Variants in BCLAF3 observed in about 807,000 individuals in gnomAD.
The protein encoded by BCLAF3 is BCLAF1 and THRAP3 family member 3.
Under a neutral mutation model 51.2 loss-of-function variants are expected in BCLAF3, and 24 were observed. That is an observed-to-expected ratio of 0.47 (90% CI 0.34 to 0.66). BCLAF3 has a LOEUF of 0.66. Among genes scored for constraint, BCLAF3 ranks in the 30% least tolerant of loss-of-function variants. BCLAF3 has a pLI of 0.01. For synonymous variants in BCLAF3, 152 were observed against 176.6 expected, an observed-to-expected ratio of 0.86 and a Z score of 1.10; for missense variants, 465 against 525.1, an observed-to-expected ratio of 0.89 and a Z score of 1.12.
intron 3 of BCLAF3, 136 bp downstream of exon 3, chrX:19,965,944 C>T (rs2072036428): frequency 6.6e-6 from 4 of 607,142 alleles, no homozygotes; most frequent in Non-Finnish European, 1.0e-5. Flanking sequence ...CTACCAGTAC[C>T]CCATAATTAA....
At chrX:19,939,931 G>C (rs929771780) in intron 8 of BCLAF3, among the ~76,000 whole-genome samples, 4 of 111,968 alleles carry the variant, frequency 3.6e-5, no homozygotes, top group African/African-American at 1.3e-4. Context: ...GCAGAGAGGA[G>C]AGCATGAGGA....
rs143678955 is a variant in BCLAF3 at position 19,933,806 on chromosome X, T to A, written c.1950+2003A>T. Among the ~76,000 whole-genome samples the A allele has an allele frequency of 2.8e-3, 318 of 111,614 alleles. 1 individual carries two copies. The highest frequency in any genetic ancestry group is 5.0e-3 in the Non-Finnish European group (266 of 53,124). On this transcript the variant is annotated intron_variant, in intron 10 of 11. Transcript: ENST00000379682. The stretch of plus-strand genomic sequence containing the variant: ...CTTTTGGGACAGGGTCTCTTCACTG[T>A]GTCGCCCAGGCTTGAGGGCCGTGGC...
At chrX:19,939,305 T>C (rs1409268485) in intron 8 of BCLAF3, among the ~76,000 whole-genome samples, 1 of 112,276 alleles carries the variant, frequency 8.9e-6, no homozygotes, top group African/African-American at 3.2e-5. Flanking sequence ...TGATTACCAT[T>C]AGTGTGTATG....
chrX:19,949,060 C>T (rs1714108766), intron 8 of BCLAF3, among the ~76,000 whole-genome samples: 1 of 111,405 alleles, frequency 9.0e-6, no homozygotes. Flanking sequence ...CTCCTCATGG[C>T]TCCACTATGC....
chrX:19,937,577 T>A, intron 8 of BCLAF3, 45 bp from the exon 9 acceptor site: 1 of 656,028 alleles, frequency 1.5e-6, no homozygotes, highest in Non-Finnish European at 2.3e-6. Flanking sequence ...TTAGTATACC[T>A]TTTTTTCCAA....
At chrX:19,983,259 C>T (rs2148048693) in intron 1 of BCLAF3, among the ~76,000 whole-genome samples, 1 of 105,944 alleles carries the variant, frequency 9.4e-6, no homozygotes, top group South Asian at 4.4e-4. Context: ...CACCCAGCCC[C>T]AAAGTGATTC....
chrX:19,962,515 T>C lies in BCLAF3; in HGVS notation c.1274+2529A>G, dbSNP rs1321583671. The stretch of plus-strand genomic sequence containing the variant: ...TACTTTTATTAAAAAGTTAAAGATT[T>C]TTATGCATTTGATTGTATATAATTT... On this transcript the variant is annotated intron_variant, in intron 4 of 11. Transcript: ENST00000379682. Among the ~76,000 whole-genome samples the C allele has an allele frequency of 9.8e-5, 11 of 112,290 alleles. 1 individual carries two copies. In the Admixed American group the frequency reaches 1.0e-3, roughly 11 times the overall value.
chrX:19,986,584 G>T (rs2072807601), intron 1 of BCLAF3, among the ~76,000 whole-genome samples: 1 of 111,472 alleles, frequency 9.0e-6, no homozygotes. Flanking sequence ...GTTTCAAAAA[G>T]GGAGACTTTC....
At chrX:19,924,144 C>T (rs2070282425) in intron 11 of BCLAF3, among the ~76,000 whole-genome samples, 1 of 111,307 alleles carries the variant, frequency 9.0e-6, no homozygotes, top group Admixed American at 9.6e-5. Context: ...GCTTTTAGGA[C>T]ATCCATGTGA....
chrX:19,989,788 T>C (rs2072893805), intron 1 of BCLAF3, among the ~76,000 whole-genome samples: 2 of 111,577 alleles, frequency 1.8e-5, no homozygotes, highest in Admixed American at 9.6e-5. Flanking sequence ...ATCTTCATTG[T>C]GATTTCTATC....
intron 1 of BCLAF3, among the ~76,000 whole-genome samples, chrX:19,989,288 G>A (rs903724497): frequency 7.2e-5 from 8 of 111,421 alleles, no homozygotes; most frequent in African/African-American, 2.6e-4. Context: ...TGGAGGTCAG[G>A]AGTTTGAGAC....
At chrX:19,977,813 C>G (rs1288170018) in intron 1 of BCLAF3, among the ~76,000 whole-genome samples, 1 of 111,732 alleles carries the variant, frequency 8.9e-6, no homozygotes, top group Non-Finnish European at 1.9e-5. Context: ...CAGCCTGACT[C>G]TCTTGTTAGG....
chrX:19,937,586 A>G, intron 8 of BCLAF3, 54 bp from the exon 9 acceptor site: 2 of 641,043 alleles, frequency 3.1e-6, no homozygotes, highest in Non-Finnish European at 4.8e-6. Flanking sequence ...CTTTTTTTCC[A>G]AGAAATAAAC....
intron 8 of BCLAF3, among the ~76,000 whole-genome samples, chrX:19,944,540 G>A (rs1251165423): frequency 1.3e-5 from 1 of 75,533 alleles, no homozygotes; most frequent in Admixed American, 1.3e-4. Context: ...ATGAAGCTTA[G>A]TTTGGCTGGA....
rs1362689587 is a variant in BCLAF3, at chrX:19,916,191, T to G, written c.*1114A>C. 8.9e-6 allele frequency: 1 copy of G among 112,804 alleles called. No homozygotes were observed. The allele number at this position is 112,804 out of a possible 1,213,427, so 9.3% of individuals were successfully genotyped here. A position where few individuals can be genotyped will look rare whatever the true frequency, so the allele number is the denominator to read the frequency against. ...TTAAACACTGTTTAAACAGAGGTGC[T>G]ATCCAAGGCTATAAGTCTCAAACAA... On this transcript the variant is annotated 3_prime_UTR_variant, in exon 12 of 12. Coordinates refer to ENST00000379682, the MANE Select transcript of BCLAF3 (RefSeq NM_001367774.2).
chrX:19,945,949 G>C (rs777496695), intron 8 of BCLAF3, among the ~76,000 whole-genome samples: 1 of 108,019 alleles, frequency 9.3e-6, no homozygotes, highest in South Asian at 4.0e-4. Context: ...AGGACCCTCC[G>C]AGCCAGGTGT....
chrX:19,955,362 T>C, intron 5 of BCLAF3, 29 bp downstream of exon 5: 1 of 1,130,704 alleles, frequency 8.8e-7, no homozygotes, highest in African/African-American at 1.8e-5. Flanking sequence ...TTTTGTGTTA[T>C]CCCTAACGTA....
In BCLAF3 at chrX:19,949,666, T is replaced by C. The variant is rs772162185; in HGVS notation, c.1745+1087A>G. 8.9e-5 allele frequency among the ~76,000 whole-genome samples: 10 copies of C among 112,602 alleles called. No homozygotes were observed. In the Admixed American group the frequency reaches 9.4e-4, roughly 11 times the overall value. ...TATACCTCAACACATCGTTTCACTA[T>C]GTTTTAATTAGTTCTGAATTTATTG... On this transcript the variant is annotated intron_variant, in intron 8 of 11. Transcript: ENST00000379682.
At chrX:19,938,126 GTCCTTCCCTGGGATCTTCC>G (rs2070845212) in intron 8 of BCLAF3, among the ~76,000 whole-genome samples, 1 of 111,137 alleles carries the variant, frequency 9.0e-6, no homozygotes, top group Non-Finnish European at 1.9e-5. Context: ...TGGGAGGGAG[GTCCTTCCCTGGGATCTTCC>G]TCTGATCTCC....
Sources: gnomAD v4.1 joint callset for allele counts (sites outside exome capture counted in the v4.1 genomes callset) on GRCh38, gnomAD v4.1.1 for gene constraint, MANE v1.5 for transcripts, NCBI Gene and HGNC (gene_info 2026-07-23, HGNC 2026-07-21) for gene names.